PNPLA6: variants seen among roughly 807,000 people sequenced by gnomAD.
PNPLA6 encodes the protein patatin-like phospholipase domain-containing protein 6.
PNPLA6 carries 105 observed loss-of-function variants against 153.7 expected under a neutral mutation model. The ratio of observed to expected loss-of-function variants is 0.68; its 90% CI spans 0.58 to 0.80. The LOEUF (loss-of-function observed/expected upper bound fraction) is 0.80, where lower values mean the gene tolerates loss of function less well. Among genes scored for constraint, PNPLA6 ranks in the 30% least tolerant of loss-of-function variants. PNPLA6 has a pLI of 0.00. For missense variants in PNPLA6, 1,423 were observed against 1,919.3 expected, an observed-to-expected ratio of 0.74 and a Z score of 4.83; for synonymous variants, 825 against 822.2, an observed-to-expected ratio of 1.00 and a Z score of -0.06.
intron 18 of PNPLA6, 46 bp downstream of exon 18, chr19:7,551,483 G>T: frequency 6.7e-7 from 1 of 1,485,148 alleles, no homozygotes; most frequent in Non-Finnish European, 9.4e-7. Context: ...GTAGTCCGGC[G>T]TCCAGAGCAT....
chr19:7,545,909 C>CAAAAA (rs554820974), intron 13 of PNPLA6, among the ~76,000 whole-genome samples: 5 of 100,492 alleles, frequency 5.0e-5, no homozygotes, highest in Admixed American at 1.1e-4. Context: ...GACCCTGTCT[C>CAAAAA]AAAAAAAAAA....
Position 7,561,331 on chromosome 19 carries a change from G to T in PNPLA6, c.4023+14G>T, listed in dbSNP as rs369710615. 5.7e-6 allele frequency: 9 copies of T among 1,574,252 alleles called. No individual in the cohort carries two copies. The highest frequency in any genetic ancestry group is 7.8e-6 in the Non-Finnish European group (9 of 1,153,932). ...GCCTCCGAGATGGTGAGAGTGGGTG[G>T]CCCAGGGTCCCCTCACATCCCCCAG... On this transcript the variant is annotated intron_variant, in intron 31 of 31. Transcript: ENST00000600737.
intron 18 of PNPLA6, among the ~76,000 whole-genome samples, chr19:7,551,829 G>A (rs1401477667): frequency 1.3e-5 from 2 of 152,148 alleles, no homozygotes; most frequent in Non-Finnish European, 2.9e-5. Context: ...GGCCGTCATG[G>A]TGGCTCATGC....
chr19:7,537,843 T>C (rs1040278683), intron 3 of PNPLA6, among the ~76,000 whole-genome samples: 1 of 152,102 alleles, frequency 6.6e-6, no homozygotes, highest in African/African-American at 2.4e-5. Context: ...GGTTTCACCA[T>C]GTTGGCCAGG....
At chr19:7,550,261 G>A (rs369959366) in intron 14 of PNPLA6, 37 bp from the exon 15 acceptor site, 1 of 1,612,744 alleles carries the variant, frequency 6.2e-7, no homozygotes, top group East Asian at 2.2e-5. Context: ...GGACGGTTTT[G>A]AGGCCTTCCT....
Position 7,560,753 on chromosome 19 carries a change from C to G in PNPLA6, c.3805C>G (p.Arg1269Gly). Residue 1269 changes from arginine (R) to glycine (G), a missense_variant, in exon 29 of 32, where the codon CGC becomes GGC. This residue lies in a region of PNPLA6 where 643 missense variants were observed against 835.2 expected (regional missense o/e 0.77). Coordinates refer to ENST00000600737, the MANE Select transcript of PNPLA6 (RefSeq NM_001166114.2). ...GCGGTCTACAGACCTTAATGAGAGCCGCCGTGCAGACGTAAGCCTGTGATG... is the reference window on the plus strand; with the variant it reads ...GCGGTCTACAGACCTTAATGAGAGCGGCCGTGCAGACGTAAGCCTGTGATG... The part of the protein sequence containing the change: ...DRRSTDLNES[R>G]RADVLAFPSS... 1 of 1,603,932 alleles carries G rather than the reference C, an allele frequency of 6.2e-7. No individual in the cohort carries two copies. Among genetic ancestry groups the G allele is most frequent in the Admixed American group, 1.7e-5 (1 of 59,978 alleles).
Position 7,549,202 on chromosome 19 carries a change from T to TC in PNPLA6, c.1609-705_1609-704insC, listed in dbSNP as rs1273569423. Among the ~76,000 whole-genome samples, 6 of 150,352 alleles carry TC rather than the reference T, an allele frequency of 4.0e-5. No individual in the cohort carries two copies. In the South Asian group the frequency reaches 8.3e-4, roughly 21 times the overall value. On this transcript the variant is annotated intron_variant, in intron 13 of 31. Coordinates refer to ENST00000600737, the MANE Select transcript of PNPLA6 (RefSeq NM_001166114.2). The stretch of plus-strand genomic sequence containing the variant: ...TGTTTCTTTTTTTTCTTTTTTTTTT[T>TC]TTGAGACGGAGTCTCGCTCTGTCGC...
At chr19:7,542,263 C>T (rs891868175) in intron 10 of PNPLA6, among the ~76,000 whole-genome samples, 196 bp downstream of exon 10, 9 of 152,186 alleles carry the variant, frequency 5.9e-5, no homozygotes, top group African/African-American at 1.2e-4. Flanking sequence ...AGAGTGCAGG[C>T]GTTGATTAGT....
chr19:7,551,243 GC>G (rs1195000552), intron 17 of PNPLA6, 118 bp from the exon 18 acceptor site: 5 of 1,044,026 alleles, frequency 4.8e-6, no homozygotes, highest in Non-Finnish European at 7.3e-6. Flanking sequence ...GAGGGCGGGG[GC>G]TCTCGGGGGT....
Position 7,556,467 on chromosome 19 carries a change from G to C in PNPLA6, c.3108G>C (p.Val1036=). The C allele has an allele frequency of 1.9e-6, 3 of 1,612,056 alleles. No homozygotes were observed. The highest frequency in any genetic ancestry group is 2.5e-6 in the Non-Finnish European group (3 of 1,178,168). ...AREWAKSMTS[V]LEPVLDLTYP... ...CTTGTCCCTAGAGCATGACTTCGGT[G>C]CTGGAACCTGTGTTGGACCTCACGT... is the stretch of plus-strand genomic sequence containing the variant. Residue 1036 remains valine (V), a synonymous_variant, in exon 25 of 32, where the codon GTG becomes GTC. Transcript: ENST00000600737.
intron 13 of PNPLA6, among the ~76,000 whole-genome samples, chr19:7,544,763 C>A (rs1249092446): frequency 6.6e-6 from 1 of 152,104 alleles, no homozygotes; most frequent in Non-Finnish European, 1.5e-5. Context: ...ACTCTGCTGT[C>A]CCCTTGAACC....
chr19:7,535,842 G>A lies in PNPLA6; in HGVS notation c.54G>A (p.Ala18=). The change falls in exon 1 of 32, where the codon GCG becomes GCA. Residue 18 remains alanine (A), a synonymous_variant. Transcript: ENST00000600737. The surrounding 1 kb of genome is among the most constrained non-coding windows in gnomAD (Gnocchi z 5.0). ...CGAACTCCTCGGGGGCGAAGGTGGCGGAGAGGGATGGGTTCCAGGACGTCC... is the reference window on the plus strand; with the variant it reads ...CGAACTCCTCGGGGGCGAAGGTGGCAGAGAGGGATGGGTTCCAGGACGTCC... ...LATNSSGAKV[A]ERDGFQDVLA... The A allele has an allele frequency of 6.5e-7, 1 of 1,537,714 alleles. No homozygotes were observed. The highest frequency in any genetic ancestry group is 8.7e-7 in the Non-Finnish European group (1 of 1,147,082).
chr19:7,537,539 C>T (rs185351105), intron 3 of PNPLA6, among the ~76,000 whole-genome samples: 177 of 152,294 alleles, frequency 1.2e-3, no homozygotes, highest in African/African-American at 3.0e-3. Flanking sequence ...GATCCCTGTG[C>T]GTCATGTAGT....
rs2023141273 is a variant in PNPLA6, at chr19:7,541,553, C to T, written c.1037C>T (p.Pro346Leu). The change falls in exon 9 of 32, where the codon CCC (proline) becomes CTC (leucine). Residue 346 changes from proline to leucine, a missense_variant. Around this residue, in one of 10 missense-constraint regions of PNPLA6, gnomAD observed 267 missense variants for 255.1 expected, o/e 1.05. Coordinates refer to ENST00000600737, the MANE Select transcript of PNPLA6 (RefSeq NM_001166114.2). The surrounding 1 kb of genome is among the most constrained non-coding windows in gnomAD (Gnocchi z 5.2). ...EIQPLRLFPS[P>L]GLPTRTSPVR... is the part of the protein sequence containing the mutation. ...CAGCCCCTGCGTCTGTTCCCCAGCC[C>T]CGGCCTCCCAACTCGCACCAGCCCT... 3.1e-6 allele frequency: 5 copies of T among 1,603,314 alleles called. No individual in the cohort carries two copies. The highest frequency in any genetic ancestry group is 4.3e-6 in the Non-Finnish European group (5 of 1,175,160).
At chr19:7,554,404 C>A in intron 20 of PNPLA6, 132 bp downstream of exon 20, 1 of 1,221,864 alleles carries the variant, frequency 8.2e-7, no homozygotes, top group Non-Finnish European at 1.2e-6. Context: ...TGGGGAGATT[C>A]GCAGTGGTGT....
At position 7,559,132 on chromosome 19, in the gene PNPLA6, G is replaced by T. The variant is rs780878126; in HGVS notation, c.3680G>T (p.Gly1227Val). 5.0e-6 allele frequency: 8 copies of T among 1,614,186 alleles called. No individual in the cohort carries two copies. The highest frequency in any genetic ancestry group is 1.7e-5 in the Admixed American group (1 of 60,014). Residue 1227 changes from glycine (G) to valine (V), a missense_variant, in exon 28 of 32, where the codon GGG (glycine) becomes GTG (valine). Coordinates refer to ENST00000600737, the MANE Select transcript of PNPLA6 (RefSeq NM_001166114.2). The part of the protein sequence containing the change: ...PIDCFKTMDF[G>V]KFDQIYDVGY... ...GACTGCTTCAAGACCATGGACTTTG[G>T]GAAGTTCGACCAGATCTATGTGAGT...
At chr19:7,548,300 T>C in intron 13 of PNPLA6, among the ~76,000 whole-genome samples, 1 of 151,424 alleles carries the variant, frequency 6.6e-6, no homozygotes, top group Non-Finnish European at 1.5e-5. Flanking sequence ...GCCGAGTTTG[T>C]ATCACTGCAC....
At position 7,542,886 on chromosome 19, in the gene PNPLA6, C is replaced by T. The variant is rs151146154; in HGVS notation, c.1488C>T (p.Phe496=). Residue 496 remains phenylalanine (F), a synonymous_variant, in exon 12 of 32, where the codon TTC becomes TTT. Coordinates refer to ENST00000600737, the MANE Select transcript of PNPLA6 (RefSeq NM_001166114.2). ...AGGGCCGCCAGACCAGCAGCATCTTCGAGGCAGCAAAGCAGGAGCTGGCCA... is the reference window on the plus strand; with the variant it reads ...AGGGCCGCCAGACCAGCAGCATCTTTGAGGCAGCAAAGCAGGAGCTGGCCA... ...PYQGRQTSSI[F]EAAKQELAKL... is the part of the protein sequence containing the mutation. 402 of 1,613,308 alleles carry T rather than the reference C, an allele frequency of 2.5e-4. 1 individual carries two copies. The highest frequency in any genetic ancestry group is 4.9e-4 in the Middle Eastern group (3 of 6,084).
At chr19:7,544,535 G>A (rs572393288) in intron 13 of PNPLA6, among the ~76,000 whole-genome samples, 3 of 152,336 alleles carry the variant, frequency 2.0e-5, no homozygotes, top group Non-Finnish European at 2.9e-5. Context: ...ATTATCCACA[G>A]TGTGGGGTTT....
Sources: gnomAD v4.1 joint callset for allele counts (sites outside exome capture counted in the v4.1 genomes callset) on GRCh38, gnomAD v4.1.1 for gene constraint, gnomAD v4.1.1 regional missense constraint, Gnocchi (gnomAD v3.1) non-coding constraint, MANE v1.5 for transcripts, NCBI Gene and HGNC (gene_info 2026-07-23, HGNC 2026-07-21) for gene names.